Variants in LEMD3 observed in about 807,000 individuals in gnomAD.
LEMD3 encodes LEM domain containing 3, also known as inner nuclear membrane protein Man1.
In LEMD3, 33 loss-of-function variants were observed where a neutral mutation model predicts 95.2. The observed-to-expected ratio is 0.35, with a 90% confidence interval of 0.26 to 0.46. LEMD3 has a LOEUF of 0.46. Ranked by LOEUF, LEMD3 falls within the 20% of genes least tolerant of loss-of-function variation. The pLI is 1.00. For synonymous variants in LEMD3, 525 were observed against 474.6 expected (o/e 1.11, Z -1.38); for missense variants, 1,210 against 1,192.8 (o/e 1.01, Z -0.21).
At chr12:65,239,202 T>A (rs920661139) in intron 6 of LEMD3, among the ~76,000 whole-genome samples, 20 of 152,326 alleles carry the variant, frequency 1.3e-4, no homozygotes, top group Non-Finnish European at 2.4e-4. Context: ...TATCATTTTT[T>A]AATTGATAAT....
rs144515474 is a variant in LEMD3 at position 65,246,801 on chromosome 12, C to T, written c.*476C>T. 5.0e-3 allele frequency: 807 copies of T among 160,896 alleles called. 4 individuals are homozygous for T. The highest frequency in any genetic ancestry group is 9.1e-3 in the Non-Finnish European group (667 of 73,436). The allele number at this position is 160,896 out of a possible 1,614,324, so 10.0% of individuals were successfully genotyped here. On this transcript the variant is annotated 3_prime_UTR_variant, in exon 13 of 13. Coordinates refer to ENST00000308330, the MANE Select transcript of LEMD3 (RefSeq NM_014319.5). Reference sequence around the variant, plus strand: ...ACCTTAGGTTTCTGTTGCTTATAAGCGATTCATTTGCTACGGCTGGAATAT... The same window carrying T: ...ACCTTAGGTTTCTGTTGCTTATAAGTGATTCATTTGCTACGGCTGGAATAT...
chr12:65,223,407 G>T (rs1870353244), intron 4 of LEMD3, among the ~76,000 whole-genome samples: 1 of 149,414 alleles, frequency 6.7e-6, no homozygotes, highest in Admixed American at 6.7e-5. Context: ...GGGCTCAAGT[G>T]ATCCTCCTGC....
At chr12:65,218,451 C>T (rs1870176027) in intron 3 of LEMD3, 101 bp from the exon 4 acceptor site, 2 of 622,590 alleles carry the variant, frequency 3.2e-6, no homozygotes, top group Non-Finnish European at 5.6e-6. Context: ...ATAATATAAC[C>T]TGTAATTGTA....
At chr12:65,233,108 T>C (rs918390659) in intron 4 of LEMD3, among the ~76,000 whole-genome samples, 1 of 152,130 alleles carries the variant, frequency 6.6e-6, no homozygotes, top group African/African-American at 2.4e-5. Flanking sequence ...TCCAACAAGA[T>C]AGGTGGTATT....
chr12:65,194,549 G>A (rs1470320243), intron 1 of LEMD3, among the ~76,000 whole-genome samples: 1 of 152,010 alleles, frequency 6.6e-6, no homozygotes, highest in Non-Finnish European at 1.5e-5. Flanking sequence ...AGGGTCGTGG[G>A]TCTGGATGGG....
intron 4 of LEMD3, among the ~76,000 whole-genome samples, chr12:65,226,744 T>A (rs1218716024): frequency 1.3e-5 from 2 of 152,190 alleles, no homozygotes; most frequent in African/African-American, 4.8e-5. Flanking sequence ...TTTCTGAACA[T>A]GTTTCTCTGT....
chr12:65,230,316 C>A (rs1027493331), intron 4 of LEMD3, among the ~76,000 whole-genome samples: 1 of 152,088 alleles, frequency 6.6e-6, no homozygotes, highest in Non-Finnish European at 1.5e-5. Flanking sequence ...TTGTTTTCTT[C>A]TACTTATGTG....
rs548125457 is a variant in LEMD3, at chr12:65,248,189, C to T, written c.*1864C>T. ...CTTATTTTACCTGAAACTGTTAAGCCGACCAAGATCCCTCCCTGCAAGACA... is the reference window on the plus strand; with the variant it reads ...CTTATTTTACCTGAAACTGTTAAGCTGACCAAGATCCCTCCCTGCAAGACA... On this transcript the variant is annotated 3_prime_UTR_variant, in exon 13 of 13. Transcript: ENST00000308330. The T allele has an allele frequency of 3.3e-5, 5 of 152,246 alleles. No individual in the cohort carries two copies. Among genetic ancestry groups the T allele is most frequent in the South Asian group, 2.1e-4 (1 of 4,810 alleles). The allele number at this position is 152,246 out of a possible 1,614,324, so 9.4% of individuals were successfully genotyped here. A position where few individuals can be genotyped will look rare whatever the true frequency, so the allele number is the denominator to read the frequency against.
intron 4 of LEMD3, among the ~76,000 whole-genome samples, chr12:65,226,724 G>T (rs984010285): frequency 2.6e-5 from 4 of 152,208 alleles, no homozygotes; most frequent in African/African-American, 9.6e-5. Context: ...TTTTGGTAAA[G>T]TCTCTAACTT....
chr12:65,177,124 GT>G (rs1293308522), intron 1 of LEMD3, among the ~76,000 whole-genome samples: 1 of 152,158 alleles, frequency 6.6e-6, no homozygotes. Context: ...ATGATCAAAA[GT>G]TCTAAATTCA....
rs1252959883 is a variant in LEMD3 at position 65,170,177 on chromosome 12, A to G, written c.581A>G (p.His194Arg). 16 of 1,496,214 alleles carry G rather than the reference A, an allele frequency of 1.1e-5. No homozygotes were observed. Among genetic ancestry groups the G allele is most frequent in the Non-Finnish European group, 1.2e-5 (14 of 1,126,584 alleles). 92.7% of individuals were successfully genotyped at this position (1,496,214 alleles called of 1,614,324 possible). A position where few individuals can be genotyped will look rare whatever the true frequency, so the allele number is the denominator to read the frequency against. Residue 194 changes from histidine to arginine, a missense_variant, in exon 1 of 13, where the codon CAC becomes CGC. His to Arg is a conservative substitution (Grantham distance 29). Transcript: ENST00000308330. ...AACTCTGCAGAGCGAAGGAAGCCCCACTCGTGGTGGGGGGCCAGGAGGCCG... is the reference window on the plus strand; with the variant it reads ...AACTCTGCAGAGCGAAGGAAGCCCCGCTCGTGGTGGGGGGCCAGGAGGCCG... ...NSNSAERRKP[H>R]SWWGARRPAG... is the part of the protein sequence containing the mutation.
chr12:65,239,425 G>A (rs1177571224), intron 6 of LEMD3, among the ~76,000 whole-genome samples: 1 of 152,108 alleles, frequency 6.6e-6, no homozygotes, highest in Non-Finnish European at 1.5e-5. Context: ...GCACGTGCCT[G>A]TAGTCCCAGC....
At chr12:65,206,129 C>G (rs376354409) in intron 1 of LEMD3, among the ~76,000 whole-genome samples, 2 of 152,194 alleles carry the variant, frequency 1.3e-5, no homozygotes, top group South Asian at 4.1e-4. Flanking sequence ...TGGAAACATT[C>G]CCCCTCACCC....
rs1871175177 is a variant in LEMD3 at position 65,248,321 on chromosome 12, AG to A, written c.*1997del. 6.6e-6 allele frequency: 1 copy of A among 152,058 alleles called. No individual in the cohort carries two copies. Among genetic ancestry groups the A allele is most frequent in the African/African-American group, 2.4e-5 (1 of 41,434 alleles). The allele number at this position is 152,058 out of a possible 1,614,324, so 9.4% of individuals were successfully genotyped here. A position where few individuals can be genotyped will look rare whatever the true frequency, so the allele number is the denominator to read the frequency against. On this transcript the variant is annotated 3_prime_UTR_variant, in exon 13 of 13. Coordinates refer to ENST00000308330, the MANE Select transcript of LEMD3 (RefSeq NM_014319.5). ...AAAAAATTCTAATTAAAAATTTATT[AG>A]TTTTTTTTTATGTGTCTTGGCTTTT...
At chr12:65,236,511 A>G (rs890586368) in intron 4 of LEMD3, among the ~76,000 whole-genome samples, 9 of 151,766 alleles carry the variant, frequency 5.9e-5, no homozygotes, top group African/African-American at 9.7e-5. Context: ...AGTTCGCACC[A>G]CTGCACTCCA....
In LEMD3 at chr12:65,213,771, A is replaced by G. The variant is rs560955548; in HGVS notation, c.1561-2206A>G. Among the ~76,000 whole-genome samples, 101 of 152,298 alleles carry G rather than the reference A, an allele frequency of 6.6e-4. 1 individual carries two copies. The highest frequency in any genetic ancestry group is 1.4e-3 in the African/African-American group (58 of 41,572). On this transcript the variant is annotated intron_variant, in intron 2 of 12. Coordinates refer to ENST00000308330, the MANE Select transcript of LEMD3 (RefSeq NM_014319.5). ...AAGATGTAATCAGAGGACAGATGCCAATGTTCAAATTTTGTTTTGTTTTTG... is the reference window on the plus strand; with the variant it reads ...AAGATGTAATCAGAGGACAGATGCCGATGTTCAAATTTTGTTTTGTTTTTG...
chr12:65,176,371 T>C (rs1868720209), intron 1 of LEMD3, among the ~76,000 whole-genome samples: 1 of 152,230 alleles, frequency 6.6e-6, no homozygotes. Context: ...TTTTCTACCT[T>C]TGCACAGGTT....
intron 3 of LEMD3, among the ~76,000 whole-genome samples, chr12:65,218,291 T>C (rs926270394): frequency 1.3e-5 from 2 of 152,184 alleles, no homozygotes; most frequent in Non-Finnish European, 2.9e-5. Flanking sequence ...TAAGTTCTTG[T>C]TTGGACTGAA....
intron 1 of LEMD3, among the ~76,000 whole-genome samples, chr12:65,200,208 T>C (rs191327249): frequency 3.3e-5 from 5 of 152,160 alleles, no homozygotes; most frequent in African/African-American, 1.2e-4. Context: ...CTTTCCACCA[T>C]CAATCAGACT....
Sources: gnomAD v4.1 joint callset for allele counts (sites outside exome capture counted in the v4.1 genomes callset) on GRCh38, gnomAD v4.1.1 for gene constraint, MANE v1.5 for transcripts, NCBI Gene and HGNC (gene_info 2026-07-23, HGNC 2026-07-21) for gene names.